Variants in UCKL1 observed in about 807,000 individuals in gnomAD.
UCKL1 encodes the protein uridine-cytidine kinase 1 like 1, also known as uridine-cytidine kinase-like 1.
UCKL1 carries 65 observed loss-of-function variants against 59.2 expected under a neutral mutation model. The ratio of observed to expected loss-of-function variants is 1.10; its 90% CI spans 0.90 to 1.35. The LOEUF is 1.35. Ranked by LOEUF, UCKL1 falls within the 40% of genes most tolerant of loss-of-function variation. The pLI is 0.00. For synonymous variants in UCKL1, 410 were observed against 323.1 expected (o/e 1.27, Z -2.88); for missense variants, 703 against 784.3 (o/e 0.90, Z 1.24).
Position 63,940,639 on chromosome 20 carries a change from G to T in UCKL1, c.1257C>A (p.Ile419=). ...ALRAVCKDVR[I]GTILIQTNQL... ...GGTTGGTCTGGATGAGGATGGTGCC[G>T]ATGCGCACGTCTTTGCACACAGCGC... Residue 419 remains isoleucine (I), a synonymous_variant, in exon 12 of 15, where the codon ATC becomes ATA. Transcript: ENST00000354216. The T allele has an allele frequency of 1.2e-6, 2 of 1,610,182 alleles. No individual in the cohort carries two copies. The highest frequency in any genetic ancestry group is 1.7e-6 in the Non-Finnish European group (2 of 1,179,550).
rs2053922254 is a variant in UCKL1, at chr20:63,940,044, C to T, written c.1579G>A (p.Asp527Asn). ...ACCGCGTCTGTCCCAAAGTAGCGGT[C>T]GCCAAAGTTCCCTGGAAAAAGGGGG... ...RIIPGIGNFGDRYFGTDAVPD... is the reference protein window; with the variant it reads ...RIIPGIGNFGNRYFGTDAVPD... Residue 527 changes from aspartate to asparagine, a missense_variant, in exon 15 of 15, where the codon GAC becomes AAC. Asp to Asn is a conservative substitution (Grantham distance 23). Around this residue, in one of 4 missense-constraint regions of UCKL1, gnomAD observed 124 missense variants for 161.1 expected, o/e 0.77. Transcript: ENST00000354216. 4.4e-6 allele frequency: 7 copies of T among 1,593,408 alleles called. No individual in the cohort carries two copies. The highest frequency in any genetic ancestry group is 6.0e-6 in the Non-Finnish European group (7 of 1,175,066).
At chr20:63,942,818 G>C (rs1034850381) in intron 8 of UCKL1, 3 of 434,420 alleles carry the variant, frequency 6.9e-6, no homozygotes, top group Non-Finnish European at 1.5e-5. Context: ...CAGAACAAAA[G>C]CTTCAGGAGG....
At chr20:63,946,732 C>G in intron 1 of UCKL1, 89 bp from the exon 2 acceptor site, 1 of 1,397,976 alleles carries the variant, frequency 7.2e-7, no homozygotes, top group Non-Finnish European at 9.7e-7. Context: ...GCACCCCCCC[C>G]ACCCCCTCAA....
intron 8 of UCKL1, among the ~76,000 whole-genome samples, chr20:63,941,921 G>A (rs1355308685): frequency 6.6e-6 from 1 of 151,602 alleles, no homozygotes; most frequent in Non-Finnish European, 1.5e-5. Flanking sequence ...CCACAGAATT[G>A]GGTGTGGCAG....
intron 1 of UCKL1, among the ~76,000 whole-genome samples, chr20:63,947,038 G>A (rs1250883051): frequency 2.6e-5 from 4 of 151,734 alleles, no homozygotes; most frequent in Non-Finnish European, 5.9e-5. Context: ...GAGCTATCGT[G>A]CCACTGCACT....
At chr20:63,947,539 C>G (rs1448205920) in intron 1 of UCKL1, among the ~76,000 whole-genome samples, 2 of 152,226 alleles carry the variant, frequency 1.3e-5, no homozygotes, top group Non-Finnish European at 2.9e-5. Flanking sequence ...AGGGCTCAGC[C>G]AGGACCTGAT....
At chr20:63,940,882 G>A (rs1600947337) in intron 10 of UCKL1, 26 bp from the exon 11 acceptor site, 1 of 1,528,302 alleles carries the variant, frequency 6.5e-7, no homozygotes, top group Non-Finnish European at 8.8e-7. Flanking sequence ...TGAGGACTCC[G>A]GTGAGCGCAG....
chr20:63,946,025 C>G (rs765719494), intron 3 of UCKL1, 50 bp from the exon 4 acceptor site: 1 of 1,611,432 alleles, frequency 6.2e-7, no homozygotes, highest in Non-Finnish European at 8.5e-7. Flanking sequence ...GGCCCTCACC[C>G]AATGCCAGCG....
chr20:63,946,004 G>A (rs377640398), intron 3 of UCKL1, 29 bp from the exon 4 acceptor site: 88 of 1,613,234 alleles, frequency 5.5e-5, no homozygotes, highest in Admixed American at 4.5e-4. Context: ...GAGCAGCTGT[G>A]GGCACAGTAG....
intron 1 of UCKL1, among the ~76,000 whole-genome samples, chr20:63,947,631 G>A (rs567414730): frequency 5.9e-5 from 9 of 152,318 alleles, no homozygotes; most frequent in Admixed American, 4.6e-4. Flanking sequence ...GGGACCCTGC[G>A]CTGGGAGCCT....
At chr20:63,949,625 C>G (rs1322785913) in intron 1 of UCKL1, among the ~76,000 whole-genome samples, 4 of 152,212 alleles carry the variant, frequency 2.6e-5, no homozygotes, top group African/African-American at 9.6e-5. Flanking sequence ...AGGTTCCCAG[C>G]AGACAGAAAC....
At chr20:63,948,579 A>AGAGGGAGGGGGCG (rs1569121185) in intron 1 of UCKL1, 2 of 5,008 alleles carry the variant, frequency 4.0e-4, no homozygotes, top group African/African-American at 5.3e-4. Context: ...GAGGGAGGGG[A>AGAGGGAGGGGGCG]TGTGTGTGAG....
At position 63,946,215 on chromosome 20, in the gene UCKL1, G is replaced by A. The variant is rs200671090; in HGVS notation, c.357C>T (p.Ile119=). 1.4e-5 allele frequency: 23 copies of A among 1,610,646 alleles called. No individual in the cohort carries two copies. Among genetic ancestry groups the A allele is most frequent in the Middle Eastern group, 1.7e-4 (1 of 6,060 alleles). The change falls in exon 3 of 15, where the codon ATC becomes ATT. Residue 119 remains isoleucine, a synonymous_variant. Transcript: ENST00000354216. ...CCACCCAGGGCACATCCAGGGCCTC[G>A]ATGATCATTCTGGCCACAGTGGTCT... ...SGKTTVARMI[I]EALDVPWVVL... is the part of the protein sequence containing the mutation.
chr20:63,940,161 A>G lies in UCKL1; in HGVS notation c.1556T>C (p.Ile519Thr). The G allele has an allele frequency of 6.2e-7, 1 of 1,612,242 alleles. No homozygotes were observed. The highest frequency in any genetic ancestry group is 8.5e-7 in the Non-Finnish European group (1 of 1,179,916). Reference sequence around the variant, plus strand: ...CCGGGCAGCCTCACCAATGCCTGGGATGATGCGGAAAAGGTCATTGACCCG... The same window carrying G: ...CCGGGCAGCCTCACCAATGCCTGGGGTGATGCGGAAAAGGTCATTGACCCG... ...DKRVNDLFRIIPGIGNFGDRY... is the reference protein window; with the variant it reads ...DKRVNDLFRITPGIGNFGDRY... The change falls in exon 14 of 15, where the codon ATC becomes ACC. Residue 519 changes from isoleucine to threonine, a missense_variant. Ile to Thr is a moderately conservative substitution (Grantham distance 89). Transcript: ENST00000354216.
intron 7 of UCKL1, 96 bp from the exon 8 acceptor site, chr20:63,943,765 C>T (rs990291942): frequency 3.2e-6 from 5 of 1,574,934 alleles, no homozygotes; most frequent in Admixed American, 1.7e-5. Context: ...GGACATGCTG[C>T]AGGCCCGCGG....
At chr20:63,947,452 C>T (rs757195550) in intron 1 of UCKL1, among the ~76,000 whole-genome samples, 22 of 152,184 alleles carry the variant, frequency 1.4e-4, no homozygotes, top group Non-Finnish European at 2.4e-4. Flanking sequence ...GAGGCGAGAC[C>T]AGACCAGGTT....
chr20:63,941,499 G>A (rs1020554967), intron 8 of UCKL1: 5 of 452,816 alleles, frequency 1.1e-5, no homozygotes, highest in Non-Finnish European at 2.1e-5. Flanking sequence ...CCCCTCCTGC[G>A]CTAAGAGGAA....
In UCKL1 at chr20:63,944,457, C is replaced by A; in HGVS notation, c.846G>T (p.Gly282=). The A allele has an allele frequency of 6.3e-7, 1 of 1,579,024 alleles. No homozygotes were observed. The highest frequency in any genetic ancestry group is 2.3e-5 in the East Asian group (1 of 43,230). ...GGTCGATGGCCACCGTGTTGCCGCT[C>A]CCTGGGGCGGGATGGGGGGGCGGGT... ...MRLADIVVPR[G]SGNTVAIDLI... is the part of the protein sequence containing the mutation. Residue 282 remains glycine (G), a splice_region_variant and synonymous_variant, in exon 7 of 15, where the codon GGG becomes GGT. Coordinates refer to ENST00000354216, the MANE Select transcript of UCKL1 (RefSeq NM_017859.4).
intron 1 of UCKL1, chr20:63,953,852 GGA>G (rs899460367): frequency 6.6e-6 from 1 of 152,668 alleles, no homozygotes; most frequent in African/African-American, 2.4e-5. Context: ...AACAGCCACG[GGA>G]GAGAGCACAC....
Sources: gnomAD v4.1 joint callset for allele counts (sites outside exome capture counted in the v4.1 genomes callset) on GRCh38, gnomAD v4.1.1 for gene constraint, gnomAD v4.1.1 regional missense constraint, MANE v1.5 for transcripts, NCBI Gene and HGNC (gene_info 2026-07-23, HGNC 2026-07-21) for gene names.